The following SCCPDH variants were observed in gnomAD, a reference collection of about 807,000 sequenced individuals.
SCCPDH encodes saccharopine dehydrogenase-like oxidoreductase.
Under a neutral mutation model 51.5 loss-of-function variants are expected in SCCPDH, and 34 were observed. The ratio of observed to expected loss-of-function variants is 0.66; its 90% CI spans 0.50 to 0.88. SCCPDH has a LOEUF of 0.88. Ranked by LOEUF, SCCPDH falls within the 40% of genes least tolerant of loss-of-function variation. The pLI is 0.00. For synonymous variants in SCCPDH, 187 were observed against 191.3 expected (o/e 0.98, Z 0.19); for missense variants, 464 against 527.1 (o/e 0.88, Z 1.17).
chr1:246,757,829 G>C (rs1461366057), intron 5 of SCCPDH, among the ~76,000 whole-genome samples: 1 of 152,112 alleles, frequency 6.6e-6, no homozygotes, highest in African/African-American at 2.4e-5. Flanking sequence ...CAGAAATGTT[G>C]AGGAATTTGT....
At chr1:246,764,948 G>A (rs1311790831) in intron 10 of SCCPDH, among the ~76,000 whole-genome samples, 1 of 150,434 alleles carries the variant, frequency 6.6e-6, no homozygotes, top group East Asian at 1.9e-4. Flanking sequence ...TACTGTCAGA[G>A]ACAGACAGGT....
rs190753539 is a variant in SCCPDH at position 246,744,066 on chromosome 1, A to G, written c.515-10A>G. 92 of 1,554,820 alleles carry G rather than the reference A, an allele frequency of 5.9e-5. No homozygotes were observed. The African/African-American group carries it at 1.0e-3, about 18-fold the overall frequency. ...TTATTTTGCTTTTTACCATTCTCCT[A>G]CTCTTTTAGGTACTTTGACTGCTGT... On this transcript the variant is annotated splice_polypyrimidine_tract_variant and intron_variant, in intron 4 of 11. Transcript: ENST00000366510.
chr1:246,751,102 A>G (rs981787076), intron 5 of SCCPDH, among the ~76,000 whole-genome samples: 2 of 152,218 alleles, frequency 1.3e-5, no homozygotes, highest in Non-Finnish European at 2.9e-5. Flanking sequence ...TCTCTTTAGC[A>G]ACTGTTTTTA....
rs1300010633 is a variant in SCCPDH, at chr1:246,767,618, A to C, written c.*318A>C. The C allele has an allele frequency of 5.9e-6, 1 of 169,874 alleles. No individual in the cohort carries two copies. The highest frequency in any genetic ancestry group is 2.4e-5 in the African/African-American group (1 of 42,108). The allele number at this position is 169,874 out of a possible 1,614,324, so 10.5% of individuals were successfully genotyped here. A position where few individuals can be genotyped will look rare whatever the true frequency, so the allele number is the denominator to read the frequency against. On this transcript the variant is annotated 3_prime_UTR_variant, in exon 12 of 12. Coordinates refer to ENST00000366510, the MANE Select transcript of SCCPDH (RefSeq NM_016002.3). Reference sequence around the variant, plus strand: ...GCGTCCCAGTCTGTGTTGCAGCAGCATTCTCATCGGGGGTGCGCACACCAT... The same window carrying C: ...GCGTCCCAGTCTGTGTTGCAGCAGCCTTCTCATCGGGGGTGCGCACACCAT...
Position 246,727,134 on chromosome 1 carries a change from T to A in SCCPDH, c.303+130T>A, listed in dbSNP as rs141708907. The A allele has an allele frequency of 2.1e-3, 1,476 of 703,226 alleles. 17 individuals are homozygous for A. In the African/African-American group the frequency reaches 0.024, roughly 11 times the overall value. 43.6% of individuals were successfully genotyped at this position (703,226 alleles called of 1,614,324 possible). A position where few individuals can be genotyped will look rare whatever the true frequency, so the allele number is the denominator to read the frequency against. On this transcript the variant is annotated intron_variant, in intron 2 of 11. Transcript: ENST00000366510. ...CCTTAACCCCATATGGGGAGTTTTT[T>A]CTTCTTGCGAGGAGCAGCTGGAGAT...
At chr1:246,728,634 CT>C (rs1424228746) in intron 2 of SCCPDH, among the ~76,000 whole-genome samples, 1 of 152,222 alleles carries the variant, frequency 6.6e-6, no homozygotes, top group Non-Finnish European at 1.5e-5. Flanking sequence ...TTTCCTTGAA[CT>C]TTTAGTATCC....
rs773698374 is a variant in SCCPDH at position 246,764,267 on chromosome 1, C to G, written c.1012C>G (p.Leu338Val). The G allele has an allele frequency of 3.7e-6, 6 of 1,613,312 alleles. No homozygotes were observed. The highest frequency in any genetic ancestry group is 5.1e-6 in the Non-Finnish European group (6 of 1,179,572). Residue 338 changes from leucine (L) to valine (V), a missense_variant, in exon 10 of 12, where the codon CTG becomes GTG. Coordinates refer to ENST00000366510, the MANE Select transcript of SCCPDH (RefSeq NM_016002.3). Reference protein sequence around the residue: ...QKQIDAASFTLTFFGQGYSQG... With the variant: ...QKQIDAASFTVTFFGQGYSQG... ...ACAGATTGATGCTGCCTCATTCACG[C>G]TGACATTCTTTGGTCAAGGATACAG... is the stretch of plus-strand genomic sequence containing the variant.
At chr1:246,748,452 A>G (rs1668796079) in intron 5 of SCCPDH, among the ~76,000 whole-genome samples, 1 of 152,182 alleles carries the variant, frequency 6.6e-6, no homozygotes, top group Admixed American at 6.5e-5. Flanking sequence ...CTGAGTTTCA[A>G]TCATAACACA....
At chr1:246,759,921 G>C in intron 7 of SCCPDH, 36 bp from the exon 8 acceptor site, 1 of 1,593,202 alleles carries the variant, frequency 6.3e-7, no homozygotes, top group Non-Finnish European at 8.5e-7. Context: ...AAAATGTAGG[G>C]AGTAATGTTC....
At chr1:246,727,499 C>G (rs933441943) in intron 2 of SCCPDH, among the ~76,000 whole-genome samples, 1 of 152,218 alleles carries the variant, frequency 6.6e-6, no homozygotes, top group Middle Eastern at 3.4e-3. Flanking sequence ...CAGAAAATCC[C>G]TCGTGGACAT....
chr1:246,731,855 C>G (rs776740464), intron 2 of SCCPDH, among the ~76,000 whole-genome samples: 5 of 152,064 alleles, frequency 3.3e-5, no homozygotes, highest in Non-Finnish European at 7.4e-5. Context: ...CAATGCTATC[C>G]CTACCCCTGC....
At position 246,733,380 on chromosome 1, in the gene SCCPDH, C is replaced by T. The variant is rs1668519657; in HGVS notation, c.304-2595C>T. Among the ~76,000 whole-genome samples, 3 of 151,708 alleles carry T rather than the reference C, an allele frequency of 2.0e-5. No homozygotes were observed. In the South Asian group the frequency reaches 6.2e-4, roughly 31 times the overall value. ...GGGATTACAGACGTGAGCCACTGTG[C>T]CTGGCCATGTGTTTATATATATATG... On this transcript the variant is annotated intron_variant, in intron 2 of 11. Transcript: ENST00000366510.
intron 4 of SCCPDH, among the ~76,000 whole-genome samples, chr1:246,742,011 G>A (rs1050373197): frequency 2.6e-5 from 4 of 152,250 alleles, no homozygotes; most frequent in African/African-American, 9.6e-5. Context: ...GGAGGTTGCA[G>A]TGAGCTGAGA....
chr1:246,758,606 T>C (rs1668966129), intron 6 of SCCPDH, among the ~76,000 whole-genome samples: 1 of 152,256 alleles, frequency 6.6e-6, no homozygotes, highest in Non-Finnish European at 1.5e-5. Context: ...TAAGCTTAAG[T>C]ACTTCGTGTG....
chr1:246,751,732 A>G (rs111832866), intron 5 of SCCPDH, among the ~76,000 whole-genome samples: 7,009 of 151,710 alleles, frequency 0.046, 542 homozygotes, highest in African/African-American at 0.16. Flanking sequence ...AATTTACTTT[A>G]GGACAAGAAT....
chr1:246,745,570 C>G (rs1668746612), intron 5 of SCCPDH, among the ~76,000 whole-genome samples: 1 of 152,102 alleles, frequency 6.6e-6, no homozygotes, highest in Admixed American at 6.6e-5. Flanking sequence ...TGGGATATAG[C>G]TGAATTTCAA....
chr1:246,748,063 T>A (rs1287640576), intron 5 of SCCPDH, among the ~76,000 whole-genome samples: 7 of 152,228 alleles, frequency 4.6e-5, no homozygotes, highest in Admixed American at 3.9e-4. Flanking sequence ...TTTCTTGTTA[T>A]TTCCTCTTCA....
At chr1:246,757,130 G>A (rs916040828) in intron 5 of SCCPDH, among the ~76,000 whole-genome samples, 1 of 152,174 alleles carries the variant, frequency 6.6e-6, no homozygotes, top group African/African-American at 2.4e-5. Flanking sequence ...GCTTGCCTGA[G>A]GTCAGAAGTT....
Position 246,724,486 on chromosome 1 carries a change from T to C in SCCPDH, c.64T>C (p.Phe22Leu). The change falls in exon 1 of 12, where the codon TTC becomes CTC. Residue 22 changes from phenylalanine (F) to leucine (L), a missense_variant. Coordinates refer to ENST00000366510, the MANE Select transcript of SCCPDH (RefSeq NM_016002.3). ...CGGCGCGTCTGGCTTCACCGGCCAGTTCGTGACCGAGGAGGTGGCCCGGGA... is the reference window on the plus strand; with the variant it reads ...CGGCGCGTCTGGCTTCACCGGCCAGCTCGTGACCGAGGAGGTGGCCCGGGA... The part of the protein sequence containing the change: ...VFGASGFTGQ[F>L]VTEEVAREQV... 6.3e-7 allele frequency: 1 copy of C among 1,586,026 alleles called. No individual in the cohort carries two copies. The highest frequency in any genetic ancestry group is 8.6e-7 in the Non-Finnish European group (1 of 1,169,168).
Sources: allele counts gnomAD v4.1 joint callset (sites outside exome capture counted in the v4.1 genomes callset), GRCh38; gene constraint gnomAD v4.1.1; transcripts MANE v1.5; gene names NCBI Gene and HGNC (gene_info 2026-07-23, HGNC 2026-07-21).